The following IGSF21 variants were observed in gnomAD, a reference collection of about 807,000 sequenced individuals.
IGSF21 encodes the protein immunoglobin superfamily member 21, also known as immunoglobulin superfamily member 21.
In IGSF21, 28 loss-of-function variants were observed where a neutral mutation model predicts 46.8. The ratio of observed to expected loss-of-function variants is 0.60; its 90% CI spans 0.44 to 0.82. The LOEUF is 0.82. Ranked by LOEUF, IGSF21 falls within the 40% of genes least tolerant of loss-of-function variation. The pLI is 0.00. For synonymous variants in IGSF21, 284 were observed against 273.6 expected, an observed-to-expected ratio of 1.04 and a Z score of -0.38; for missense variants, 624 against 665.5, an observed-to-expected ratio of 0.94 and a Z score of 0.69.
intron 2 of IGSF21, among the ~76,000 whole-genome samples, chr1:18,245,989 T>C (rs1428978436): frequency 6.6e-6 from 1 of 152,254 alleles, no homozygotes; most frequent in East Asian, 1.9e-4. Flanking sequence ...CAGTCATTTC[T>C]GGCCTGGAGG....
chr1:18,317,988 C>G (rs1245056559), intron 3 of IGSF21, among the ~76,000 whole-genome samples: 3 of 152,184 alleles, frequency 2.0e-5, no homozygotes, highest in Admixed American at 6.5e-5. Flanking sequence ...AGTCCATGCC[C>G]CACTGTCTTT....
intron 2 of IGSF21, among the ~76,000 whole-genome samples, chr1:18,291,141 G>A (rs1257406375): frequency 2.6e-5 from 4 of 152,226 alleles, no homozygotes; most frequent in Non-Finnish European, 4.4e-5. Flanking sequence ...GGGCACGGAC[G>A]CTTGGGTTCG....
chr1:18,210,553 T>TGTG (rs1289972080), intron 1 of IGSF21, among the ~76,000 whole-genome samples: 3 of 152,254 alleles, frequency 2.0e-5, no homozygotes, highest in African/African-American at 7.2e-5. Flanking sequence ...TTGGAGACTC[T>TGTG]CTCTGCTGTG....
chr1:18,239,403 C>T (rs4920466), intron 2 of IGSF21, among the ~76,000 whole-genome samples: 96,670 of 152,010 alleles, frequency 0.64, 37,468 homozygotes, highest in Non-Finnish European at 0.88. Flanking sequence ...CAGGCACAGC[C>T]GTGTGCTTTT....
intron 1 of IGSF21, chr1:18,113,507 A>T (rs1386595993): frequency 6.6e-6 from 1 of 152,154 alleles, no homozygotes; most frequent in Admixed American, 6.5e-5. Context: ...GTCCCCTCCC[A>T]GGAAAGGAAT....
intron 1 of IGSF21, chr1:18,110,345 G>A (rs1266047348): frequency 1.3e-5 from 2 of 152,442 alleles, no homozygotes; most frequent in Non-Finnish European, 2.9e-5. Flanking sequence ...CCCAGAATGG[G>A]GGGCGGGGTG....
chr1:18,352,338 C>T (rs749999212), intron 4 of IGSF21, among the ~76,000 whole-genome samples: 1 of 152,114 alleles, frequency 6.6e-6, no homozygotes, highest in Admixed American at 6.5e-5. Flanking sequence ...ATTAAAGCAG[C>T]GGTCCACATA....
chr1:18,291,286 C>A (rs2085263680), intron 2 of IGSF21, among the ~76,000 whole-genome samples: 1 of 152,228 alleles, frequency 6.6e-6, no homozygotes, highest in South Asian at 2.1e-4. Context: ...CTCTCCTGGC[C>A]CATCCCAAGA....
intron 1 of IGSF21, among the ~76,000 whole-genome samples, chr1:18,200,154 A>G (rs1048251679): frequency 3.3e-5 from 5 of 152,216 alleles, no homozygotes; most frequent in African/African-American, 1.2e-4. Flanking sequence ...TCCCAACTGC[A>G]TGATGGTCAC....
chr1:18,342,539 G>A (rs545145162), intron 4 of IGSF21, among the ~76,000 whole-genome samples: 23 of 152,040 alleles, frequency 1.5e-4, no homozygotes, highest in African/African-American at 3.1e-4. Flanking sequence ...CATTTTCATC[G>A]TCCTCCAAAG....
At chr1:18,317,927 C>T (rs1163263610) in intron 3 of IGSF21, among the ~76,000 whole-genome samples, 1 of 152,200 alleles carries the variant, frequency 6.6e-6, no homozygotes, top group Non-Finnish European at 1.5e-5. Flanking sequence ...GAGTGACTTA[C>T]TCCAGGTCAC....
intron 4 of IGSF21, chr1:18,361,337 G>T (rs1475293214): frequency 1.3e-5 from 2 of 152,370 alleles, no homozygotes; most frequent in African/African-American, 4.8e-5. Flanking sequence ...AGGAAGGGGG[G>T]AAAAGGCCCC....
At chr1:18,151,964 T>G (rs2086525384) in intron 1 of IGSF21, among the ~76,000 whole-genome samples, 1 of 152,124 alleles carries the variant, frequency 6.6e-6, no homozygotes, top group African/African-American at 2.4e-5. Flanking sequence ...GGGCACGTGG[T>G]CACCCTACTC....
At chr1:18,202,333 GTCT>G (rs1299185438) in intron 1 of IGSF21, among the ~76,000 whole-genome samples, 2 of 152,202 alleles carry the variant, frequency 1.3e-5, no homozygotes, top group African/African-American at 4.8e-5. Flanking sequence ...ACTCCTAGGT[GTCT>G]TCTTTGTCTT....
chr1:18,273,796 C>G (rs1050503201), intron 2 of IGSF21, among the ~76,000 whole-genome samples: 1 of 151,864 alleles, frequency 6.6e-6, no homozygotes. Context: ...CTCCTGCAGA[C>G]GAGGTGGGAG....
chr1:18,125,518 T>A (rs1005372792), intron 1 of IGSF21, among the ~76,000 whole-genome samples: 4 of 152,192 alleles, frequency 2.6e-5, no homozygotes, highest in Non-Finnish European at 5.9e-5. Flanking sequence ...ATGAACTGAT[T>A]AAAGCTGGCA....
intron 1 of IGSF21, among the ~76,000 whole-genome samples, chr1:18,178,103 G>A (rs2086820651): frequency 2.0e-5 from 3 of 152,126 alleles, no homozygotes; most frequent in Admixed American, 2.0e-4. Flanking sequence ...TGGGGAGAGA[G>A]AGAGAGAAAG....
intron 3 of IGSF21, among the ~76,000 whole-genome samples, chr1:18,318,077 CCT>C (rs1227918335): frequency 2.6e-5 from 4 of 152,158 alleles, no homozygotes; most frequent in African/African-American, 9.7e-5. Flanking sequence ...AAATGAAAGA[CCT>C]TCCTAGAAGC....
At position 18,378,372 on chromosome 1, in the gene IGSF21, C is replaced by T; in HGVS notation, c.*46C>T. On this transcript the variant is annotated 3_prime_UTR_variant, in exon 10 of 10. Transcript: ENST00000251296. The stretch of plus-strand genomic sequence containing the variant: ...CCATCAGGCACTGACATCTCCACGA[C>T]CGGTTTTCATTTCTTTTCTAAACTA... The T allele has an allele frequency of 2.7e-6, 4 of 1,463,168 alleles. No homozygotes were observed. Among genetic ancestry groups the T allele is most frequent in the Non-Finnish European group, 3.8e-6 (4 of 1,049,116 alleles). The allele number at this position is 1,463,168 out of a possible 1,614,324, so 90.6% of individuals were successfully genotyped here.
Sources: allele counts gnomAD v4.1 joint callset (sites outside exome capture counted in the v4.1 genomes callset), GRCh38; gene constraint gnomAD v4.1.1; transcripts MANE v1.5; gene names NCBI Gene and HGNC (gene_info 2026-07-23, HGNC 2026-07-21).